The following AFF3 variants were observed in gnomAD, a reference collection of about 807,000 sequenced individuals.
AFF3 encodes ALF transcription elongation factor 3.
Under a neutral mutation model 129.7 loss-of-function variants are expected in AFF3, and 32 were observed. The ratio of observed to expected loss-of-function variants is 0.25; its 90% CI spans 0.19 to 0.33. The LOEUF (loss-of-function observed/expected upper bound fraction) is 0.33. AFF3 is among the 10% of genes least tolerant of loss of function. AFF3 has a pLI of 1.00. For synonymous variants in AFF3, 644 were observed against 635.4 expected (o/e 1.01, Z -0.20); for missense variants, 1,373 against 1,592.0 (o/e 0.86, Z 2.34).
At chr2:99,637,989 T>C (rs1683823362) in intron 13 of AFF3, among the ~76,000 whole-genome samples, 1 of 152,158 alleles carries the variant, frequency 6.6e-6, no homozygotes, top group Non-Finnish European at 1.5e-5. Context: ...ATTTCAATAT[T>C]TTACCCCTGG....
At chr2:99,907,572 A>T (rs570497474) in intron 7 of AFF3, among the ~76,000 whole-genome samples, 1 of 151,482 alleles carries the variant, frequency 6.6e-6, no homozygotes, top group East Asian at 1.9e-4. Context: ...CAAAGTAGCT[A>T]ACATTGCCTT....
At chr2:100,080,090 C>T (rs1559111321) in intron 4 of AFF3, among the ~76,000 whole-genome samples, 1 of 152,208 alleles carries the variant, frequency 6.6e-6, no homozygotes, top group Non-Finnish European at 1.5e-5. Flanking sequence ...TTTAAGAGAA[C>T]TGTACTATCC....
intron 14 of AFF3, 112 bp downstream of exon 14, chr2:99,601,323 G>T (rs1679804377): frequency 1.6e-6 from 2 of 1,280,308 alleles, no homozygotes; most frequent in East Asian, 2.9e-5. Flanking sequence ...CTGGCTTGGG[G>T]TCTGCAGGAG....
In AFF3 at chr2:99,587,185, A is replaced by G; in HGVS notation, c.2560T>C (p.Ser854Pro). ...ATGTTCATGTTGCAGTGGTTTGCAGACAAAGTATTACTGGTGGAGGTGGCC... is the reference window on the plus strand; with the variant it reads ...ATGTTCATGTTGCAGTGGTTTGCAGGCAAAGTATTACTGGTGGAGGTGGCC... ...RLATSTSNTL[S>P]ANHCNMNINS... is the part of the protein sequence containing the mutation. Residue 854 changes from serine to proline, a missense_variant, in exon 16 of 25, where the codon TCT becomes CCT. By Grantham distance (74) the Ser-to-Pro change is moderately conservative. This residue lies in a region of AFF3 where 466 missense variants were observed against 505.0 expected (regional missense o/e 0.92). Coordinates refer to ENST00000672756, the MANE Select transcript of AFF3 (RefSeq NM_001386135.1). 6.2e-7 allele frequency: 1 copy of G among 1,614,186 alleles called. No homozygotes were observed. The highest frequency in any genetic ancestry group is 2.2e-5 in the East Asian group (1 of 44,886).
chr2:100,139,151 TAGG>T (rs1692758534), intron 1 of AFF3, among the ~76,000 whole-genome samples: 1 of 152,126 alleles, frequency 6.6e-6, no homozygotes, highest in Non-Finnish European at 1.5e-5. Flanking sequence ...TGCATGCTTT[TAGG>T]AGAACTTGAA....
chr2:99,706,397 T>C (rs1268486467), intron 11 of AFF3, among the ~76,000 whole-genome samples: 2 of 152,230 alleles, frequency 1.3e-5, no homozygotes, highest in African/African-American at 4.8e-5. Flanking sequence ...CACCTGCTTC[T>C]ATCCGGGCTG....
At chr2:99,570,781 T>C (rs1320945567) in intron 18 of AFF3, among the ~76,000 whole-genome samples, 1 of 152,250 alleles carries the variant, frequency 6.6e-6, no homozygotes, top group Non-Finnish European at 1.5e-5. Context: ...CTCATTGTCT[T>C]GATAACATGG....
chr2:99,955,968 G>A (rs1676604186), intron 7 of AFF3, among the ~76,000 whole-genome samples: 2 of 152,094 alleles, frequency 1.3e-5, no homozygotes, highest in South Asian at 2.1e-4. Context: ...ACTGACAAAT[G>A]TTTTAACCAC....
chr2:99,578,576 T>C (rs1677216367), intron 17 of AFF3, 125 bp from the exon 18 acceptor site: 1 of 1,397,876 alleles, frequency 7.2e-7, no homozygotes, highest in Non-Finnish European at 9.6e-7. Context: ...TGTATTAGAA[T>C]TGATGGTGAT....
chr2:99,821,639 T>C lies in AFF3; in HGVS notation c.921+15838A>G, dbSNP rs1240934231. Among the ~76,000 whole-genome samples, 4 of 152,286 alleles carry C rather than the reference T, an allele frequency of 2.6e-5. No homozygotes were observed. The East Asian group carries it at 5.8e-4, about 22-fold the overall frequency. On this transcript the variant is annotated intron_variant, in intron 8 of 24. Coordinates refer to ENST00000672756, the MANE Select transcript of AFF3 (RefSeq NM_001386135.1). ...GTCAATACATAAACCAGTGACACAA[T>C]CGCTCCTTGTCATTCTCAACTGTTC...
At chr2:99,846,861 C>T (rs75470858) in intron 7 of AFF3, among the ~76,000 whole-genome samples, 10,986 of 152,286 alleles carry the variant, frequency 0.072, 736 homozygotes, top group Non-Finnish European at 0.097. Flanking sequence ...TATCATCTGA[C>T]CTTCCCCACG....
chr2:100,052,713 G>T (rs1401990739), intron 4 of AFF3, among the ~76,000 whole-genome samples: 1 of 152,092 alleles, frequency 6.6e-6, no homozygotes, highest in African/African-American at 2.4e-5. Context: ...CTGTTTTAAA[G>T]CCTAAAAATA....
intron 24 of AFF3, among the ~76,000 whole-genome samples, chr2:99,553,936 A>AAAAAAAAAAAAG (rs1674663293): frequency 6.7e-6 from 1 of 149,674 alleles, no homozygotes; most frequent in Non-Finnish European, 1.5e-5. Context: ...AAAAAAAAAA[A>AAAAAAAAAAAAG]AAAAAGAAAA....
At chr2:99,783,050 T>C (rs527790300) in intron 8 of AFF3, among the ~76,000 whole-genome samples, 1 of 152,342 alleles carries the variant, frequency 6.6e-6, no homozygotes, top group Non-Finnish European at 1.5e-5. Context: ...GCTGGACTTA[T>C]CTTTTCTTCG....
Position 99,805,280 on chromosome 2 carries a change from T to C in AFF3, c.921+32197A>G, listed in dbSNP as rs1216967086. On this transcript the variant is annotated intron_variant, in intron 8 of 24. Coordinates refer to ENST00000672756, the MANE Select transcript of AFF3 (RefSeq NM_001386135.1). ...AAATGTTGACTATATACCTGCTTGA[T>C]AATAAGAAACATTCACCTCTCTTCG... 2.6e-5 allele frequency among the ~76,000 whole-genome samples: 4 copies of C among 152,296 alleles called. No individual in the cohort carries two copies. In the South Asian group the frequency reaches 6.2e-4, roughly 24 times the overall value.
At chr2:100,003,936 T>A (rs1301754045) in intron 7 of AFF3, among the ~76,000 whole-genome samples, 2 of 152,066 alleles carry the variant, frequency 1.3e-5, no homozygotes, top group Admixed American at 1.3e-4. Context: ...TCTAATTTAT[T>A]CAGTTAATGT....
intron 1 of AFF3, among the ~76,000 whole-genome samples, chr2:100,131,689 ACCTCAAGTTATCCACCTG>A (rs1425468825): frequency 6.6e-6 from 1 of 152,112 alleles, no homozygotes; most frequent in African/African-American, 2.4e-5. Context: ...TGAACTCCTG[ACCTCAAGTTATCCACCTG>A]CCTCAGCTTC....
intron 7 of AFF3, among the ~76,000 whole-genome samples, chr2:99,972,457 G>A (rs1467933483): frequency 6.6e-6 from 1 of 152,196 alleles, no homozygotes; most frequent in East Asian, 1.9e-4. Flanking sequence ...AGAAGGGGAC[G>A]TTTAGAAAAA....
chr2:99,570,630 C>T (rs1676389764), intron 18 of AFF3, among the ~76,000 whole-genome samples: 1 of 152,172 alleles, frequency 6.6e-6, no homozygotes, highest in Non-Finnish European at 1.5e-5. Flanking sequence ...TCCATCACAT[C>T]ACCATCCTGC....
Sources: allele counts gnomAD v4.1 joint callset (sites outside exome capture counted in the v4.1 genomes callset), GRCh38; gene constraint gnomAD v4.1.1; regional missense constraint gnomAD v4.1.1; transcripts MANE v1.5; gene names NCBI Gene and HGNC (gene_info 2026-07-23, HGNC 2026-07-21).